The following MYO3B variants were observed in gnomAD, a reference collection of about 807,000 sequenced individuals.
MYO3B encodes the protein myosin IIIB, also known as myosin-IIIb.
In MYO3B, 156 loss-of-function variants were observed where a neutral mutation model predicts 174.6. That is an observed-to-expected ratio of 0.89 (90% CI 0.78 to 1.02). The LOEUF (loss-of-function observed/expected upper bound fraction) is 1.02. Among genes scored for constraint, MYO3B ranks in the 50% least tolerant of loss-of-function variants. MYO3B has a pLI of 0.00. For synonymous variants in MYO3B, 563 were observed against 569.1 expected (o/e 0.99, Z 0.15); for missense variants, 1,632 against 1,639.4 (o/e 1.00, Z 0.08).
chr2:170,427,988 T>G (rs2094678792), intron 22 of MYO3B, among the ~76,000 whole-genome samples: 1 of 152,200 alleles, frequency 6.6e-6, no homozygotes, highest in East Asian at 1.9e-4. Flanking sequence ...GTTATAAAGA[T>G]GTTGAAAAAT....
intron 3 of MYO3B, among the ~76,000 whole-genome samples, chr2:170,202,790 T>G (rs2092676525): frequency 6.6e-6 from 1 of 152,176 alleles, no homozygotes; most frequent in African/African-American, 2.4e-5. Context: ...ACAAAAAAAT[T>G]ATCTGTTTAA....
chr2:170,325,554 G>A (rs919265137), intron 7 of MYO3B, among the ~76,000 whole-genome samples: 2 of 152,126 alleles, frequency 1.3e-5, no homozygotes, highest in African/African-American at 4.8e-5. Flanking sequence ...CAAATTTCTG[G>A]TGTGGTTTCC....
In MYO3B at chr2:170,369,269, T is replaced by A; in HGVS notation, c.863T>A (p.Leu288His). 1 of 1,613,830 alleles carries A rather than the reference T, an allele frequency of 6.2e-7. No homozygotes were observed. Among genetic ancestry groups the A allele is most frequent in the South Asian group, 1.1e-5 (1 of 91,036 alleles). ...AGGCGACCTTCCGTCACACATCTCC[T>A]TGACCACCCATTTATTAAAGGAGTA... ...FERRPSVTHL[L>H]DHPFIKGVHG... is the part of the protein sequence containing the mutation. Residue 288 changes from leucine to histidine, a missense_variant, in exon 9 of 35, where the codon CTT becomes CAT. Physicochemically the swap from Leu to His is moderately conservative, Grantham distance 99. Coordinates refer to ENST00000408978, the MANE Select transcript of MYO3B (RefSeq NM_138995.5).
intron 25 of MYO3B, among the ~76,000 whole-genome samples, chr2:170,467,162 T>C (rs1048046087): frequency 1.3e-5 from 2 of 152,200 alleles, no homozygotes; most frequent in African/African-American, 4.8e-5. Context: ...AAATGTATTA[T>C]CTCATTTGAT....
intron 22 of MYO3B, among the ~76,000 whole-genome samples, chr2:170,439,340 C>T (rs1243916719): frequency 6.6e-6 from 1 of 151,752 alleles, no homozygotes; most frequent in Non-Finnish European, 1.5e-5. Context: ...CCACTGCACT[C>T]CAGCCTGGGT....
chr2:170,542,911 C>T lies in MYO3B; in HGVS notation c.3581C>T (p.Ser1194Leu). The change falls in exon 31 of 35, where the codon TCA becomes TTA. Residue 1194 changes from serine (S) to leucine (L), a missense_variant. Physicochemically the swap from Ser to Leu is moderately radical, Grantham distance 145. Transcript: ENST00000408978. Reference protein sequence around the residue: ...SPAVTEKNGHSQAQSSPKGCD... With the variant: ...SPAVTEKNGHLQAQSSPKGCD... Reference sequence around the variant, plus strand: ...TATTATTGTTATCTTTTCAGGCATTCACAAGCCCAGAGTTCTCCAAAAGGG... The same window carrying T: ...TATTATTGTTATCTTTTCAGGCATTTACAAGCCCAGAGTTCTCCAAAAGGG... The T allele has an allele frequency of 6.2e-7, 1 of 1,600,462 alleles. No individual in the cohort carries two copies. Among genetic ancestry groups the T allele is most frequent in the African/African-American group, 1.3e-5 (1 of 74,752 alleles).
intron 32 of MYO3B, among the ~76,000 whole-genome samples, chr2:170,625,363 T>G (rs1696319884): frequency 6.6e-6 from 1 of 152,240 alleles, no homozygotes; most frequent in Non-Finnish European, 1.5e-5. Context: ...TAGAGGTGTT[T>G]ATAGTATTCT....
chr2:170,587,456 A>G (rs1043885637), intron 32 of MYO3B, among the ~76,000 whole-genome samples: 1 of 152,214 alleles, frequency 6.6e-6, no homozygotes, highest in African/African-American at 2.4e-5. Context: ...ATTAAGAACC[A>G]CTTAATTACA....
At chr2:170,261,382 AAAAAC>A (rs375060842) in intron 7 of MYO3B, among the ~76,000 whole-genome samples, 1 of 152,158 alleles carries the variant, frequency 6.6e-6, no homozygotes, top group Non-Finnish European at 1.5e-5. Flanking sequence ...GTCTCTACCA[AAAAAC>A]AAAACAAAAC....
rs115551530 is a variant in MYO3B, at chr2:170,526,977, T to A, written c.3575+7437T>A. Reference sequence around the variant, plus strand: ...TTTTAAAATAGTTGGAACTCTTTGGTGGTTTTCAACATGTCTTTTGTTTTC... The same window carrying A: ...TTTTAAAATAGTTGGAACTCTTTGGAGGTTTTCAACATGTCTTTTGTTTTC... On this transcript the variant is annotated intron_variant, in intron 30 of 34. Transcript: ENST00000408978. 4.2e-3 allele frequency among the ~76,000 whole-genome samples: 634 copies of A among 152,342 alleles called. 3 individuals carry two copies. The highest frequency in any genetic ancestry group is 0.015 in the African/African-American group (610 of 41,566).
intron 32 of MYO3B, among the ~76,000 whole-genome samples, chr2:170,592,690 T>C (rs1195700362): frequency 6.6e-6 from 1 of 152,198 alleles, no homozygotes; most frequent in Non-Finnish European, 1.5e-5. Context: ...GCAGGGATCA[T>C]GTACATTCTC....
chr2:170,333,207 G>A (rs907675205), intron 7 of MYO3B, among the ~76,000 whole-genome samples: 4 of 152,172 alleles, frequency 2.6e-5, no homozygotes, highest in Non-Finnish European at 5.9e-5. Flanking sequence ...TAGCACCAAA[G>A]CTGCCCACAG....
At chr2:170,648,669 C>CTATATAATATATATTATATTA (rs1698574107) in intron 32 of MYO3B, among the ~76,000 whole-genome samples, 1 of 99,838 alleles carries the variant, frequency 1.0e-5, no homozygotes, top group Non-Finnish European at 2.0e-5. Context: ...ATATTATATT[C>CTATATAATATATATTATATTA]TATATAATAT....
intron 9 of MYO3B, among the ~76,000 whole-genome samples, chr2:170,372,879 G>A (rs993886089): frequency 6.6e-6 from 1 of 152,180 alleles, no homozygotes; most frequent in Non-Finnish European, 1.5e-5. Context: ...CAAAGGGCAA[G>A]GCACAAGGGC....
chr2:170,570,462 G>T (rs919043949), intron 32 of MYO3B, among the ~76,000 whole-genome samples: 1 of 152,148 alleles, frequency 6.6e-6, no homozygotes, highest in African/African-American at 2.4e-5. Flanking sequence ...CACCGGTGAG[G>T]AAACTGCTGC....
At chr2:170,375,442 A>G (rs1180109457) in intron 9 of MYO3B, among the ~76,000 whole-genome samples, 2 of 151,972 alleles carry the variant, frequency 1.3e-5, no homozygotes, top group African/African-American at 2.4e-5. Context: ...AGCTGAAACC[A>G]CAGATGTTAA....
chr2:170,472,281 C>T (rs1685021586), intron 25 of MYO3B, among the ~76,000 whole-genome samples: 1 of 152,170 alleles, frequency 6.6e-6, no homozygotes, highest in Non-Finnish European at 1.5e-5. Context: ...GTAAGGGAGT[C>T]CACCTGATTT....
rs540932615 is a variant in MYO3B, at chr2:170,561,139, T to C, written c.3733+17151T>C. On this transcript the variant is annotated intron_variant, in intron 32 of 34. Coordinates refer to ENST00000408978, the MANE Select transcript of MYO3B (RefSeq NM_138995.5). The stretch of plus-strand genomic sequence containing the variant: ...ATTCAGTCCATTAATGGAACCCCCA[T>C]TCATGTCATGTAGCAGTTTCTATTT... Among the ~76,000 whole-genome samples the C allele has an allele frequency of 2.6e-5, 4 of 152,284 alleles. No individual in the cohort carries two copies. In the South Asian group the frequency reaches 8.3e-4, roughly 32 times the overall value.
intron 8 of MYO3B, among the ~76,000 whole-genome samples, chr2:170,339,596 G>C (rs1477135497): frequency 6.6e-6 from 1 of 152,158 alleles, no homozygotes; most frequent in African/African-American, 2.4e-5. Flanking sequence ...TGGGGATGTG[G>C]CTTAGTGTGT....
Sources: gnomAD v4.1 joint callset for allele counts (sites outside exome capture counted in the v4.1 genomes callset) on GRCh38, gnomAD v4.1.1 for gene constraint, MANE v1.5 for transcripts, NCBI Gene and HGNC (gene_info 2026-07-23, HGNC 2026-07-21) for gene names.